ADGRE1: variants seen among roughly 807,000 people sequenced by gnomAD.
ADGRE1 encodes EGF-like module receptor 1.
In ADGRE1, 82 loss-of-function variants were observed where a neutral mutation model predicts 102.7. That is an observed-to-expected ratio of 0.80 (90% CI 0.67 to 0.96). The LOEUF is 0.96. Among genes scored for constraint, ADGRE1 ranks in the 40% least tolerant of loss-of-function variants. The probability of loss-of-function intolerance (pLI) is 0.00; values close to 1 mark genes in which losing one functional copy is unlikely to be tolerated. For missense variants in ADGRE1, 1,032 were observed against 1,085.3 expected, an observed-to-expected ratio of 0.95 and a Z score of 0.69; for synonymous variants, 398 against 399.6, an observed-to-expected ratio of 1.00 and a Z score of 0.05.
At chr19:6,935,929 AC>A (rs1975385126) in intron 18 of ADGRE1, among the ~76,000 whole-genome samples, 2 of 152,192 alleles carry the variant, frequency 1.3e-5, no homozygotes, top group Admixed American at 1.3e-4. Context: ...CTTTTGTTAT[AC>A]ATATTTTATA....
At chr19:6,893,890 C>A (rs1012447184) in intron 2 of ADGRE1, among the ~76,000 whole-genome samples, 1 of 152,288 alleles carries the variant, frequency 6.6e-6, no homozygotes, top group African/African-American at 2.4e-5. Context: ...GGATGCTGTA[C>A]GGAAGAACTA....
intron 18 of ADGRE1, among the ~76,000 whole-genome samples, chr19:6,935,864 A>C (rs1220934642): frequency 6.6e-6 from 1 of 152,112 alleles, no homozygotes; most frequent in Admixed American, 6.5e-5. Context: ...ACTGGAGTTT[A>C]TTGTTTTTGA....
At chr19:6,916,584 T>C (rs529628976) in intron 12 of ADGRE1, among the ~76,000 whole-genome samples, 41 of 152,230 alleles carry the variant, frequency 2.7e-4, no homozygotes, top group African/African-American at 8.7e-4. Context: ...GCCTATATGA[T>C]ATGTGCTGGT....
At chr19:6,912,175 T>G (rs1296021365) in intron 10 of ADGRE1, among the ~76,000 whole-genome samples, 1 of 151,666 alleles carries the variant, frequency 6.6e-6, no homozygotes, top group Non-Finnish European at 1.5e-5. Flanking sequence ...TATACACACA[T>G]GCACACGCAT....
chr19:6,890,567 G>C (rs1180956974), intron 2 of ADGRE1, 24 bp downstream of exon 2: 1 of 1,607,920 alleles, frequency 6.2e-7, no homozygotes, highest in East Asian at 2.2e-5. Context: ...AGAGAATGCA[G>C]ATGCCTGAAG....
intron 1 of ADGRE1, among the ~76,000 whole-genome samples, chr19:6,889,534 C>T (rs145752205): frequency 0.036 from 5,506 of 151,146 alleles, 148 homozygotes; most frequent in Non-Finnish European, 0.052. Flanking sequence ...ACTAAAAATG[C>T]AAAAATTAGC....
chr19:6,905,468 T>C (rs1973920048), intron 8 of ADGRE1, among the ~76,000 whole-genome samples: 2 of 151,412 alleles, frequency 1.3e-5, no homozygotes, highest in Non-Finnish European at 1.5e-5. Context: ...TTCTTCTGCC[T>C]CAGCCTGCCG....
At chr19:6,931,775 G>A (rs535939962) in intron 17 of ADGRE1, among the ~76,000 whole-genome samples, 2 of 150,452 alleles carry the variant, frequency 1.3e-5, no homozygotes, top group South Asian at 2.1e-4. Context: ...TCCAGCCTGG[G>A]TGACAGAGGG....
intron 17 of ADGRE1, among the ~76,000 whole-genome samples, chr19:6,931,795 C>CAAA (rs60340459): frequency 6.9e-6 from 1 of 145,884 alleles, no homozygotes. Flanking sequence ...GAGACTGTCT[C>CAAA]AAAAAAAAGA....
chr19:6,931,180 A>G (rs1273853864), intron 17 of ADGRE1, among the ~76,000 whole-genome samples: 1 of 152,042 alleles, frequency 6.6e-6, no homozygotes, highest in Non-Finnish European at 1.5e-5. Context: ...AACTGAGAAC[A>G]TGTGAAATGT....
At chr19:6,936,705 C>T (rs1326552831) in intron 18 of ADGRE1, among the ~76,000 whole-genome samples, 2 of 151,496 alleles carry the variant, frequency 1.3e-5, no homozygotes, top group African/African-American at 2.4e-5. Context: ...TCACTGCAAC[C>T]TCCGCCTCCC....
intron 10 of ADGRE1, 148 bp downstream of exon 10, chr19:6,908,920 G>A (rs1366475103): frequency 2.9e-6 from 2 of 681,190 alleles, no homozygotes; most frequent in Non-Finnish European, 2.4e-6. Context: ...AATCACTTGA[G>A]GTCAGGAGTT....
intron 10 of ADGRE1, among the ~76,000 whole-genome samples, chr19:6,911,866 CACACCCCACACACATTTACACACAT>C (rs1227936959): frequency 6.6e-5 from 10 of 151,254 alleles, no homozygotes; most frequent in African/African-American, 1.2e-4. Flanking sequence ...CACACATACA[CACACCCCACACACATTTACACACAT>C]ACACCCCACA....
intron 12 of ADGRE1, 109 bp downstream of exon 12, chr19:6,916,477 G>A: frequency 7.1e-7 from 1 of 1,411,526 alleles, no homozygotes; most frequent in Non-Finnish European, 9.5e-7. Flanking sequence ...GAACCAATGA[G>A]GGTAGAAATG....
chr19:6,909,534 G>A (rs1395937187), intron 10 of ADGRE1, among the ~76,000 whole-genome samples: 1 of 152,098 alleles, frequency 6.6e-6, no homozygotes, highest in African/African-American at 2.4e-5. Context: ...TGGATAGTGT[G>A]TATATAAACA....
At chr19:6,896,635 ATT>A (rs555227342) in intron 3 of ADGRE1, 94 bp downstream of exon 3, 4 of 1,376,766 alleles carry the variant, frequency 2.9e-6, no homozygotes, top group Non-Finnish European at 2.9e-6. Context: ...CCCACCCCCC[ATT>A]TTTTTTTAAA....
Position 6,901,967 on chromosome 19 carries a change from T to C in ADGRE1, c.607T>C (p.Phe203Leu), listed in dbSNP as rs1898669243. The change falls in exon 6 of 21, where the codon TTT becomes CTT. Residue 203 changes from phenylalanine to leucine, a missense_variant. Coordinates refer to ENST00000312053, the MANE Select transcript of ADGRE1 (RefSeq NM_001974.5). ...CTACTCTTGTTTCTGCAACCCAGGA[T>C]TTGAATCCAGCAGTGGCCACTTGAG... ...GNYSCFCNPG[F>L]ESSSGHLSFQ... 6.2e-7 allele frequency: 1 copy of C among 1,614,196 alleles called. No individual in the cohort carries two copies. The highest frequency in any genetic ancestry group is 8.5e-7 in the Non-Finnish European group (1 of 1,180,032).
intron 20 of ADGRE1, among the ~76,000 whole-genome samples, chr19:6,939,497 G>C (rs11881853): frequency 0.044 from 6,742 of 152,114 alleles, 468 homozygotes; most frequent in African/African-American, 0.15. Context: ...TGTTGTAAAG[G>C]CTCTAAACTA....
At chr19:6,901,496 A>G (rs1973763761) in intron 5 of ADGRE1, among the ~76,000 whole-genome samples, 1 of 152,230 alleles carries the variant, frequency 6.6e-6, no homozygotes, top group Non-Finnish European at 1.5e-5. Context: ...TTTAAGGGGT[A>G]GAGAAACAGA....
Sources: gnomAD v4.1 joint callset for allele counts (sites outside exome capture counted in the v4.1 genomes callset) on GRCh38, gnomAD v4.1.1 for gene constraint, MANE v1.5 for transcripts, NCBI Gene and HGNC (gene_info 2026-07-23, HGNC 2026-07-21) for gene names.